The following PDE4D variants were observed in gnomAD, a reference collection of about 807,000 sequenced individuals.
The protein encoded by PDE4D is 3',5'-cyclic-AMP phosphodiesterase 4D.
A neutral mutation model predicts 87.4 loss-of-function variants in PDE4D; 24 were observed. The ratio of observed to expected loss-of-function variants is 0.27; its 90% CI spans 0.20 to 0.39. The LOEUF is 0.39. PDE4D is among the 10% of genes least tolerant of loss of function. The probability of loss-of-function intolerance (pLI) is 1.00; values close to 1 mark genes in which losing one functional copy is unlikely to be tolerated. For missense variants in PDE4D, 714 were observed against 1,041.0 expected (o/e 0.69, Z 4.32); for synonymous variants, 384 against 383.2 (o/e 1.00, Z -0.02).
chr5:60,108,701 T>C (rs1743233156), intron 2 of PDE4D, among the ~76,000 whole-genome samples: 1 of 152,036 alleles, frequency 6.6e-6, no homozygotes, highest in African/African-American at 2.4e-5. Flanking sequence ...TCAGAAATAA[T>C]GCCACATATC....
chr5:59,347,387 C>T (rs1779783147), intron 1 of PDE4D, among the ~76,000 whole-genome samples: 1 of 152,138 alleles, frequency 6.6e-6, no homozygotes, highest in Non-Finnish European at 1.5e-5. Flanking sequence ...GTGCTATTCT[C>T]AAAATCTGTG....
chr5:59,516,133 A>C (rs538595820), intron 1 of PDE4D, among the ~76,000 whole-genome samples: 1 of 152,336 alleles, frequency 6.6e-6, no homozygotes, highest in East Asian at 1.9e-4. Flanking sequence ...AAAATAATTA[A>C]GTTTATTGAC....
intron 1 of PDE4D, among the ~76,000 whole-genome samples, chr5:60,376,277 CATT>C (rs1761429894): frequency 6.6e-6 from 1 of 152,166 alleles, no homozygotes; most frequent in African/African-American, 2.4e-5. Context: ...AGATAAGCAT[CATT>C]GTTATCATCA....
intron 1 of PDE4D, among the ~76,000 whole-genome samples, chr5:59,372,981 A>G (rs537778076): frequency 2.6e-5 from 4 of 151,694 alleles, no homozygotes; most frequent in African/African-American, 9.7e-5. Context: ...TACCACAATC[A>G]AACCCTCAAG....
At chr5:58,990,761 A>G (rs551901121) in intron 9 of PDE4D, 43 bp downstream of exon 9, 4 of 1,036,660 alleles carry the variant, frequency 3.9e-6, no homozygotes, top group Non-Finnish European at 4.4e-6. Flanking sequence ...CTGGACATTA[A>G]GTTCCTAAAT....
intron 1 of PDE4D, among the ~76,000 whole-genome samples, chr5:59,511,156 T>G (rs1347167029): frequency 6.6e-6 from 1 of 151,888 alleles, no homozygotes; most frequent in Non-Finnish European, 1.5e-5. Context: ...ATTTAAAAGA[T>G]AAGGAAAACT....
chr5:60,131,297 A>G (rs914860210), intron 2 of PDE4D, among the ~76,000 whole-genome samples: 1 of 152,202 alleles, frequency 6.6e-6, no homozygotes, highest in African/African-American at 2.4e-5. Context: ...GTAGAGAAGG[A>G]TAAAGCTGGG....
At chr5:60,402,467 T>C (rs1048552053) in intron 1 of PDE4D, among the ~76,000 whole-genome samples, 1 of 152,220 alleles carries the variant, frequency 6.6e-6, no homozygotes, top group Non-Finnish European at 1.5e-5. Flanking sequence ...AGTAATTGGC[T>C]CTACCCTTGT....
chr5:59,157,158 A>G, intron 5 of PDE4D: 1 of 581,374 alleles, frequency 1.7e-6, no homozygotes, highest in South Asian at 2.4e-5. Context: ...CCATTGCTTC[A>G]CAATTTTTTT....
At chr5:60,383,438 A>G (rs189893275) in intron 1 of PDE4D, among the ~76,000 whole-genome samples, 2 of 152,314 alleles carry the variant, frequency 1.3e-5, no homozygotes, top group Admixed American at 6.5e-5. Context: ...CTTTTAGCCC[A>G]TTTATCTTTC....
intron 1 of PDE4D, among the ~76,000 whole-genome samples, chr5:59,810,111 T>C (rs986096528): frequency 1.3e-5 from 2 of 152,218 alleles, no homozygotes; most frequent in Admixed American, 6.5e-5. Flanking sequence ...GTGCTCCTTA[T>C]GGCTGCTCGT....
At chr5:59,420,959 C>T (rs181285671) in intron 1 of PDE4D, among the ~76,000 whole-genome samples, 25 of 152,188 alleles carry the variant, frequency 1.6e-4, no homozygotes, top group South Asian at 2.1e-4. Flanking sequence ...AATTTATTAT[C>T]GCACAACTGA....
intron 1 of PDE4D, among the ~76,000 whole-genome samples, chr5:59,795,252 A>G (rs1019628531): frequency 6.6e-6 from 1 of 152,190 alleles, no homozygotes; most frequent in Non-Finnish European, 1.5e-5. Context: ...GTTTCTCCTG[A>G]CACCTGTCAT....
intron 1 of PDE4D, among the ~76,000 whole-genome samples, chr5:60,305,555 T>G: frequency 6.6e-6 from 1 of 151,570 alleles, no homozygotes; most frequent in Non-Finnish European, 1.5e-5. Flanking sequence ...CCAAGAAAAC[T>G]TTCCTGATCT....
chr5:60,504,538 A>G (rs770006620), intron 1 of PDE4D, among the ~76,000 whole-genome samples: 36 of 152,146 alleles, frequency 2.4e-4, no homozygotes, highest in Non-Finnish European at 5.9e-5. Context: ...AAGATCAGGT[A>G]ACAAAACAGC....
chr5:60,205,724 A>G (rs1296346860), intron 1 of PDE4D, among the ~76,000 whole-genome samples: 4 of 69,504 alleles, frequency 5.8e-5, no homozygotes, highest in Non-Finnish European at 1.1e-4. Flanking sequence ...CGTCTCTACT[A>G]AAAGTACAAA....
Position 60,037,916 on chromosome 5 carries a change from A to G in PDE4D, c.43-49199T>C, listed in dbSNP as rs147461495. 3.3e-5 allele frequency among the ~76,000 whole-genome samples: 5 copies of G among 152,320 alleles called. No individual in the cohort carries two copies. In the East Asian group the frequency reaches 7.7e-4, roughly 23 times the overall value. On this transcript the variant is annotated intron_variant, in intron 2 of 16. Transcript: ENST00000502484. ...TCAAACTGATAAAAAATAAAATTTT[A>G]TATCAAAAATGAAATATTGTCTAAG...
At chr5:59,931,147 A>G (rs992559767) in intron 3 of PDE4D, among the ~76,000 whole-genome samples, 6 of 152,248 alleles carry the variant, frequency 3.9e-5, no homozygotes, top group Non-Finnish European at 5.9e-5. Flanking sequence ...TCAAGAAGAG[A>G]GAACTGTACA....
intron 1 of PDE4D, among the ~76,000 whole-genome samples, chr5:59,299,476 A>C (rs1769749506): frequency 6.6e-6 from 1 of 152,194 alleles, no homozygotes; most frequent in South Asian, 2.1e-4. Context: ...TTTCCTAAAT[A>C]AACAACTAAT....
Sources: allele counts gnomAD v4.1 joint callset (sites outside exome capture counted in the v4.1 genomes callset), GRCh38; gene constraint gnomAD v4.1.1; transcripts MANE v1.5; gene names NCBI Gene and HGNC (gene_info 2026-07-23, HGNC 2026-07-21).